The following CDH12 variants were observed in gnomAD, a reference collection of about 807,000 sequenced individuals.
The protein encoded by CDH12 is cadherin-12.
Under a neutral mutation model 74.1 loss-of-function variants are expected in CDH12, and 41 were observed. The ratio of observed to expected loss-of-function variants is 0.55; its 90% confidence interval spans 0.43 to 0.72. The LOEUF (loss-of-function observed/expected upper bound fraction) is 0.72. CDH12 is among the 30% of genes least tolerant of loss of function. The pLI is 0.00. For missense variants in CDH12, 945 were observed against 977.2 expected, an observed-to-expected ratio of 0.97 and a Z score of 0.44; for synonymous variants, 399 against 355.0, an observed-to-expected ratio of 1.12 and a Z score of -1.39.
intron 3 of CDH12, among the ~76,000 whole-genome samples, chr5:22,396,306 C>A (rs1359001178): frequency 1.3e-5 from 2 of 152,104 alleles, no homozygotes; most frequent in Non-Finnish European, 2.9e-5. Context: ...CTATAAAAAT[C>A]TGGCTGAATC....
In CDH12 at chr5:22,014,881, TAA is replaced by T. The variant is rs535574527; in HGVS notation, c.232-39498_232-39497del. 6.6e-5 allele frequency among the ~76,000 whole-genome samples: 10 copies of T among 152,172 alleles called. No individual in the cohort carries two copies. In the East Asian group the frequency reaches 1.9e-3, roughly 29 times the overall value. Reference sequence around the variant, plus strand: ...ATTTCAGCCGAAAAAATAATAATTATAAGAGGTATAGACTTTAAAATATATCA... The same window carrying T: ...ATTTCAGCCGAAAAAATAATAATTATGAGGTATAGACTTTAAAATATATCA... On this transcript the variant is annotated intron_variant, in intron 5 of 14. Coordinates refer to ENST00000382254, the MANE Select transcript of CDH12 (RefSeq NM_004061.5).
chr5:22,732,516 C>G (rs1328064300), intron 1 of CDH12, among the ~76,000 whole-genome samples: 2 of 151,230 alleles, frequency 1.3e-5, no homozygotes, highest in African/African-American at 4.9e-5. Context: ...AAATTCCAAA[C>G]CCCTACTATC....
intron 4 of CDH12, among the ~76,000 whole-genome samples, chr5:22,122,171 G>C (rs1298665709): frequency 1.3e-5 from 2 of 152,134 alleles, no homozygotes; most frequent in Non-Finnish European, 1.5e-5. Flanking sequence ...TGGAGGCCTA[G>C]GTGGGTGAAT....
intron 3 of CDH12, among the ~76,000 whole-genome samples, chr5:22,388,201 T>C (rs917258846): frequency 6.6e-6 from 1 of 152,162 alleles, no homozygotes; most frequent in South Asian, 2.1e-4. Flanking sequence ...ATATAGGATA[T>C]GTTATTAAAC....
chr5:22,182,643 G>A (rs1382101909), intron 4 of CDH12, among the ~76,000 whole-genome samples: 2 of 152,156 alleles, frequency 1.3e-5, no homozygotes, highest in Non-Finnish European at 2.9e-5. Flanking sequence ...AATATTTTAG[G>A]AGGCTATATT....
At chr5:22,619,374 G>C (rs771606169) in intron 1 of CDH12, among the ~76,000 whole-genome samples, 8 of 152,108 alleles carry the variant, frequency 5.3e-5, no homozygotes, top group Non-Finnish European at 1.2e-4. Context: ...AAGGAGGTCA[G>C]TTCCTGCTGA....
Position 21,760,572 on chromosome 5 carries a change from A to G in CDH12, c.1619T>C (p.Val540Ala). 1.9e-6 allele frequency: 3 copies of G among 1,576,304 alleles called. No homozygotes were observed. The highest frequency in any genetic ancestry group is 1.7e-6 in the Non-Finnish European group (2 of 1,146,922). Reference sequence around the variant, plus strand: ...GTTACACTTACTTCTGAAGTCACGAACTGTAAAATTTGGTTTGATAGCAGC... The same window carrying G: ...GTTACACTTACTTCTGAAGTCACGAGCTGTAAAATTTGGTTTGATAGCAGC... ...PEAAIKPNFT[V>A]RDFRNNTAGI... is the part of the protein sequence containing the mutation. Residue 540 changes from valine (V) to alanine (A), a missense_variant, in exon 13 of 15, where the codon GTT becomes GCT. Val to Ala is a moderately conservative substitution (Grantham distance 64). This residue lies in a region of CDH12 where 791 missense variants were observed against 792.8 expected (regional missense o/e 1.00). Transcript: ENST00000382254.
rs1410480156 is a variant in CDH12, at chr5:22,732,463, T to C, written c.-523+120595A>G. On this transcript the variant is annotated intron_variant, in intron 1 of 14. Transcript: ENST00000382254. Reference sequence around the variant, plus strand: ...ACATATGTGAATGTGTGTGTATATATATATATATACACACACACACACACA... The same window carrying C: ...ACATATGTGAATGTGTGTGTATATACATATATATACACACACACACACACA... Among the ~76,000 whole-genome samples the C allele has an allele frequency of 2.5e-3, 249 of 98,320 alleles. 1 individual carries two copies. Among genetic ancestry groups the C allele is most frequent in the African/African-American group, 0.011 (243 of 22,404 alleles). 64.5% of individuals were successfully genotyped at this position (98,320 alleles called of 152,430 possible). A position where few individuals can be genotyped will look rare whatever the true frequency, so the allele number is the denominator to read the frequency against.
chr5:22,844,797 C>G (rs1737227682), intron 1 of CDH12, among the ~76,000 whole-genome samples: 1 of 152,044 alleles, frequency 6.6e-6, no homozygotes, highest in Admixed American at 6.6e-5. Flanking sequence ...CAGTTAGAAG[C>G]AGCAGCAATT....
intron 3 of CDH12, among the ~76,000 whole-genome samples, chr5:22,330,610 G>T (rs1739308875): frequency 6.6e-6 from 1 of 151,852 alleles, no homozygotes; most frequent in African/African-American, 2.4e-5. Context: ...AATTAGCTAG[G>T]CATGGTGGTG....
At chr5:22,455,497 G>C (rs1291415059) in intron 2 of CDH12, among the ~76,000 whole-genome samples, 2 of 151,106 alleles carry the variant, frequency 1.3e-5, no homozygotes, top group South Asian at 4.1e-4. Flanking sequence ...GATGAAGTCA[G>C]CAATTTGATT....
chr5:22,348,568 CAT>C (rs1740224730), intron 3 of CDH12, among the ~76,000 whole-genome samples: 1 of 152,128 alleles, frequency 6.6e-6, no homozygotes, highest in African/African-American at 2.4e-5. Flanking sequence ...TGGACACACA[CAT>C]ATATAATCCA....
Position 22,769,423 on chromosome 5 carries a change from G to A in CDH12, c.-523+83635C>T, listed in dbSNP as rs572171518. Among the ~76,000 whole-genome samples the A allele has an allele frequency of 2.6e-3, 393 of 152,216 alleles. 1 individual carries two copies. The highest frequency in any genetic ancestry group is 4.5e-3 in the Non-Finnish European group (307 of 68,018). On this transcript the variant is annotated intron_variant, in intron 1 of 14. Transcript: ENST00000382254. ...TTGGGCTCTTGGATTTACACCAGTG[G>A]TTTGCCCAGGGCTCTCTGGCCTTCT...
intron 1 of CDH12, among the ~76,000 whole-genome samples, chr5:22,754,780 T>G (rs1745802558): frequency 6.6e-6 from 1 of 152,126 alleles, no homozygotes; most frequent in Non-Finnish European, 1.5e-5. Flanking sequence ...GCCAGCAGCA[T>G]GGAAAACAGC....
At chr5:21,983,618 AATT>A (rs1267031873) in intron 5 of CDH12, among the ~76,000 whole-genome samples, 2 of 152,050 alleles carry the variant, frequency 1.3e-5, no homozygotes, top group Admixed American at 6.6e-5. Flanking sequence ...AGCACTCAGA[AATT>A]TTTATCAATG....
intron 1 of CDH12, among the ~76,000 whole-genome samples, chr5:22,549,514 T>C (rs1012595087): frequency 6.6e-6 from 1 of 152,162 alleles, no homozygotes; most frequent in Non-Finnish European, 1.5e-5. Context: ...AGAGAGCTAT[T>C]TTGTTTCTGA....
chr5:22,815,472 A>G (rs961267577), intron 1 of CDH12, among the ~76,000 whole-genome samples: 2 of 152,132 alleles, frequency 1.3e-5, no homozygotes, highest in African/African-American at 4.8e-5. Flanking sequence ...AGAGATCTAT[A>G]GAAATAGAAT....
At chr5:21,964,151 A>G (rs1242548215) in intron 6 of CDH12, among the ~76,000 whole-genome samples, 1 of 152,024 alleles carries the variant, frequency 6.6e-6, no homozygotes, top group East Asian at 1.9e-4. Context: ...AGGAAAAATT[A>G]TAAGAATAAG....
At chr5:21,754,038 G>A (rs1027908484) in intron 14 of CDH12, among the ~76,000 whole-genome samples, 1 of 152,186 alleles carries the variant, frequency 6.6e-6, no homozygotes, top group African/African-American at 2.4e-5. Context: ...ATACATAATT[G>A]TTTTAAATAA....
Sources: allele counts gnomAD v4.1 joint callset (sites outside exome capture counted in the v4.1 genomes callset), GRCh38; gene constraint gnomAD v4.1.1; regional missense constraint gnomAD v4.1.1; transcripts MANE v1.5; gene names NCBI Gene and HGNC (gene_info 2026-07-23, HGNC 2026-07-21).